The following GNPAT variants were observed in gnomAD, a reference collection of about 807,000 sequenced individuals.
The protein encoded by GNPAT is dihydroxyacetone phosphate acyltransferase.
Under a neutral mutation model 78.4 loss-of-function variants are expected in GNPAT, and 30 were observed. That is an observed-to-expected ratio of 0.38 (90% CI 0.29 to 0.52). The LOEUF is 0.52. Ranked by LOEUF, GNPAT falls within the 20% of genes least tolerant of loss-of-function variation. The pLI, the probability that GNPAT is intolerant of heterozygous loss-of-function variation, is 0.84. For synonymous variants in GNPAT, 271 were observed against 281.1 expected (o/e 0.96, Z 0.36); for missense variants, 714 against 812.2 (o/e 0.88, Z 1.47).
At chr1:231,272,147 A>G (rs1375705311) in intron 10 of GNPAT, among the ~76,000 whole-genome samples, 165 bp from the exon 11 acceptor site, 1 of 152,174 alleles carries the variant, frequency 6.6e-6, no homozygotes, top group Non-Finnish European at 1.5e-5. Flanking sequence ...CTCTGTGGGT[A>G]AGATTTGGGT....
At chr1:231,268,436 G>A (rs1438246937) in intron 9 of GNPAT, among the ~76,000 whole-genome samples, 2 of 152,090 alleles carry the variant, frequency 1.3e-5, no homozygotes, top group Non-Finnish European at 2.9e-5. Context: ...ATATCTTGAG[G>A]ACTAGAATAC....
intron 1 of GNPAT, among the ~76,000 whole-genome samples, chr1:231,248,250 A>G (rs1184892416): frequency 6.6e-6 from 1 of 152,238 alleles, no homozygotes; most frequent in Non-Finnish European, 1.5e-5. Context: ...TATTCTTAAT[A>G]AAGTATGCTA....
At chr1:231,272,095 A>G (rs548455349) in intron 10 of GNPAT, among the ~76,000 whole-genome samples, 10 of 152,298 alleles carry the variant, frequency 6.6e-5, no homozygotes, top group Middle Eastern at 6.9e-3. Flanking sequence ...GCGAGACTCC[A>G]TCTCAAAAAA....
At position 231,260,951 on chromosome 1, in the gene GNPAT, G is replaced by A. The variant is rs563315886; in HGVS notation, c.438+268G>A. ...CTAACTTAGTCAAGTAAGACTTATA[G>A]ACTAACTTAATGCCAGATATTCAGT... is the stretch of plus-strand genomic sequence containing the variant. On this transcript the variant is annotated intron_variant, in intron 3 of 15. Coordinates refer to ENST00000366647, the MANE Select transcript of GNPAT (RefSeq NM_014236.4). Among the ~76,000 whole-genome samples, 17 of 152,250 alleles carry A rather than the reference G, an allele frequency of 1.1e-4. No homozygotes were observed. In the South Asian group the frequency reaches 3.3e-3, roughly 30 times the overall value.
chr1:231,274,099 A>G (rs371474134), intron 12 of GNPAT, 37 bp downstream of exon 12: 25 of 1,563,440 alleles, frequency 1.6e-5, no homozygotes, highest in Non-Finnish European at 2.1e-5. Context: ...CATGCCCCCC[A>G]TATCAAATAT....
chr1:231,273,881 A>G, intron 11 of GNPAT, 41 bp from the exon 12 acceptor site: 3 of 1,570,616 alleles, frequency 1.9e-6, no homozygotes, highest in Non-Finnish European at 2.6e-6. Context: ...CACTATACCC[A>G]TTAACCTAGA....
At chr1:231,250,491 G>A (rs143132506) in intron 1 of GNPAT, among the ~76,000 whole-genome samples, 5 of 152,240 alleles carry the variant, frequency 3.3e-5, no homozygotes, top group African/African-American at 1.2e-4. Flanking sequence ...TTTTATTGGA[G>A]CGCTTGTTTC....
intron 9 of GNPAT, among the ~76,000 whole-genome samples, chr1:231,268,496 C>T (rs765507742): frequency 2.6e-5 from 4 of 151,728 alleles, no homozygotes; most frequent in Admixed American, 1.3e-4. Context: ...GAATCCTAGC[C>T]AGGCATGGTG....
chr1:231,275,442 G>T lies in GNPAT; in HGVS notation c.1881G>T (p.Val627=), dbSNP rs757163995. 3 of 1,612,244 alleles carry T rather than the reference G, an allele frequency of 1.9e-6. No homozygotes were observed. The Admixed American group carries it at 5.0e-5, about 27-fold the overall frequency. The change falls in exon 14 of 16, where the codon GTG becomes GTT. Residue 627 remains valine, a synonymous_variant. Transcript: ENST00000366647. ...SQCYDVLSSD[V]QKNALAACVR... is the part of the protein sequence containing the mutation. The stretch of plus-strand genomic sequence containing the variant: ...GTTATGATGTATTATCTTCTGATGT[G>T]CAGAAAAACGCCTTAGCAGCCTGTG...
Position 231,250,908 on chromosome 1 carries a change from T to C in GNPAT, c.79-53T>C, listed in dbSNP as rs148262176. The C allele has an allele frequency of 2.2e-5, 25 of 1,142,760 alleles. No homozygotes were observed. In the African/African-American group the frequency reaches 2.9e-4, roughly 13 times the overall value. The allele number at this position is 1,142,760 out of a possible 1,614,324, so 70.8% of individuals were successfully genotyped here. ...AACCTTACCAATGTAGTCTTTAATCTGTCCTGATTTATTTTACAGTATGTG... is the reference window on the plus strand; with the variant it reads ...AACCTTACCAATGTAGTCTTTAATCCGTCCTGATTTATTTTACAGTATGTG... On this transcript the variant is annotated intron_variant, in intron 1 of 15. Coordinates refer to ENST00000366647, the MANE Select transcript of GNPAT (RefSeq NM_014236.4).
chr1:231,246,302 A>G (rs1684745779), intron 1 of GNPAT, among the ~76,000 whole-genome samples: 1 of 152,196 alleles, frequency 6.6e-6, no homozygotes, highest in African/African-American at 2.4e-5. Flanking sequence ...TGACCAACAT[A>G]CTACTGGTGG....
intron 1 of GNPAT, among the ~76,000 whole-genome samples, chr1:231,245,704 T>C (rs943507325): frequency 1.3e-5 from 2 of 152,240 alleles, no homozygotes; most frequent in African/African-American, 4.8e-5. Flanking sequence ...GCGCTGTGGC[T>C]TACGCCTGTA....
intron 2 of GNPAT, among the ~76,000 whole-genome samples, chr1:231,256,722 G>A (rs959318483): frequency 5.9e-5 from 9 of 151,940 alleles, no homozygotes; most frequent in Admixed American, 3.3e-4. Context: ...TCCTGACCTC[G>A]TGATCCGCCC....
Position 231,265,739 on chromosome 1 carries a change from C to G in GNPAT, c.724C>G (p.Leu242Val), listed in dbSNP as rs781676879. 4.4e-5 allele frequency: 70 copies of G among 1,605,868 alleles called. No homozygotes were observed. The highest frequency in any genetic ancestry group is 5.3e-5 in the Non-Finnish European group (62 of 1,172,630). The change falls in exon 6 of 16, where the codon CTC (leucine) becomes GTC (valine). Residue 242 changes from leucine (L) to valine (V), a missense_variant. Leu to Val is a conservative substitution (Grantham distance 32). Coordinates refer to ENST00000366647, the MANE Select transcript of GNPAT (RefSeq NM_014236.4). ...TGGTTATGCTCCTGTTGAATTTTTCCTCGAAGGGACAAGAAGCCGCTCTGC... is the reference window on the plus strand; with the variant it reads ...TGGTTATGCTCCTGTTGAATTTTTCGTCGAAGGGACAAGAAGCCGCTCTGC... ...RNGYAPVEFF[L>V]EGTRSRSAKT...
At chr1:231,249,376 G>C (rs571792347) in intron 1 of GNPAT, among the ~76,000 whole-genome samples, 1 of 152,266 alleles carries the variant, frequency 6.6e-6, no homozygotes, top group African/African-American at 2.4e-5. Flanking sequence ...AATGCTATTT[G>C]CTGCCACTTA....
rs1276540611 is a variant in GNPAT at position 231,248,553 on chromosome 1, C to A, written c.79-2408C>A. 6.6e-5 allele frequency among the ~76,000 whole-genome samples: 10 copies of A among 151,736 alleles called. 1 individual carries two copies. Among genetic ancestry groups the A allele is most frequent in the Admixed American group, 4.6e-4 (7 of 15,240 alleles). Reference sequence around the variant, plus strand: ...GACCAGCTTGGGCAACATAGCAAGACCCCCGTCTCTATTGAAAAAAAAAAA... The same window carrying A: ...GACCAGCTTGGGCAACATAGCAAGAACCCCGTCTCTATTGAAAAAAAAAAA... On this transcript the variant is annotated intron_variant, in intron 1 of 15. Coordinates refer to ENST00000366647, the MANE Select transcript of GNPAT (RefSeq NM_014236.4).
At chr1:231,264,870 C>T (rs1297981053) in intron 4 of GNPAT, among the ~76,000 whole-genome samples, 1 of 152,196 alleles carries the variant, frequency 6.6e-6, no homozygotes, top group South Asian at 2.1e-4. Flanking sequence ...TGCTGTTGCC[C>T]CTGGCTCTAG....
At chr1:231,264,648 A>G (rs1346980536) in intron 4 of GNPAT, among the ~76,000 whole-genome samples, 1 of 152,264 alleles carries the variant, frequency 6.6e-6, no homozygotes. Context: ...AGACTATTTT[A>G]AAACTGCTGG....
chr1:231,272,032 G>A (rs749714745), intron 10 of GNPAT, among the ~76,000 whole-genome samples: 7 of 152,112 alleles, frequency 4.6e-5, no homozygotes, highest in African/African-American at 7.2e-5. Flanking sequence ...CCCAGGAGGC[G>A]GAGGTTGCAG....
Sources: gnomAD v4.1 joint callset for allele counts (sites outside exome capture counted in the v4.1 genomes callset) on GRCh38, gnomAD v4.1.1 for gene constraint, MANE v1.5 for transcripts, NCBI Gene and HGNC (gene_info 2026-07-23, HGNC 2026-07-21) for gene names.